Variants in SMOC1 observed in about 807,000 individuals in gnomAD.
SMOC1 encodes SPARC related modular calcium binding 1, also known as SPARC-related modular calcium-binding protein 1.
In SMOC1, 22 loss-of-function variants were observed where a neutral mutation model predicts 56.3. The observed-to-expected ratio is 0.39, with a 90% confidence interval of 0.28 to 0.56. SMOC1 has a LOEUF of 0.56. Ranked by LOEUF, SMOC1 falls within the 20% of genes least tolerant of loss-of-function variation. The probability of loss-of-function intolerance (pLI) is 0.61; values close to 1 mark genes in which losing one functional copy is unlikely to be tolerated. For synonymous variants in SMOC1, 193 were observed against 215.0 expected (o/e 0.90, Z 0.89); for missense variants, 509 against 565.4 (o/e 0.90, Z 1.01).
chr14:70,008,478 G>A (rs1885220488), intron 7 of SMOC1, among the ~76,000 whole-genome samples: 1 of 152,106 alleles, frequency 6.6e-6, no homozygotes, highest in Admixed American at 6.5e-5. Flanking sequence ...CATAGACACT[G>A]ACTATAAACA....
At chr14:69,963,238 G>A (rs1017492227) in intron 3 of SMOC1, among the ~76,000 whole-genome samples, 1 of 152,098 alleles carries the variant, frequency 6.6e-6, no homozygotes, top group Non-Finnish European at 1.5e-5. Context: ...ATCTAGTAGG[G>A]GGAATGCACA....
chr14:69,942,817 CTG>C (rs1277797260), intron 1 of SMOC1, among the ~76,000 whole-genome samples: 1 of 152,186 alleles, frequency 6.6e-6, no homozygotes, highest in Non-Finnish European at 1.5e-5. Context: ...CAGACAGACT[CTG>C]TGTGGATTGG....
At chr14:69,888,199 G>T (rs1249051928) in intron 1 of SMOC1, among the ~76,000 whole-genome samples, 1 of 152,172 alleles carries the variant, frequency 6.6e-6, no homozygotes, top group African/African-American at 2.4e-5. Flanking sequence ...TATGTGCTCT[G>T]CATGGGTCAT....
intron 3 of SMOC1, among the ~76,000 whole-genome samples, chr14:69,964,660 G>A (rs1168682646): frequency 6.6e-6 from 1 of 152,160 alleles, no homozygotes; most frequent in South Asian, 2.1e-4. Context: ...TAAAGGAACT[G>A]CTCTTCTTTT....
At chr14:70,008,705 G>A (rs1229916406) in intron 7 of SMOC1, among the ~76,000 whole-genome samples, 1 of 152,168 alleles carries the variant, frequency 6.6e-6, no homozygotes, top group Non-Finnish European at 1.5e-5. Flanking sequence ...TAGAAGGTTG[G>A]CCTGGAGAGT....
intron 1 of SMOC1, among the ~76,000 whole-genome samples, chr14:69,928,615 T>TGG (rs57670974): frequency 1.1e-3 from 162 of 148,390 alleles, no homozygotes; most frequent in Non-Finnish European, 1.4e-3. Flanking sequence ...AGGTGCTCAT[T>TGG]GGGGGGGGGG....
chr14:69,889,246 T>A (rs1883895077), intron 1 of SMOC1, among the ~76,000 whole-genome samples: 2 of 152,196 alleles, frequency 1.3e-5, no homozygotes, highest in Non-Finnish European at 2.9e-5. Flanking sequence ...GCTGAACCAC[T>A]GTACTTCCTG....
intron 1 of SMOC1, among the ~76,000 whole-genome samples, chr14:69,922,311 A>T (rs906402425): frequency 1.3e-5 from 2 of 152,328 alleles, no homozygotes; most frequent in East Asian, 3.9e-4. Context: ...TGATGTTGTT[A>T]TCTGCTTTTT....
At chr14:69,984,972 G>A (rs1884314767) in intron 5 of SMOC1, among the ~76,000 whole-genome samples, 1 of 151,938 alleles carries the variant, frequency 6.6e-6, no homozygotes, top group Non-Finnish European at 1.5e-5. Context: ...AACCCAGGAG[G>A]TGGAGGTTGC....
In SMOC1 at chr14:70,000,486, A is replaced by G. The variant is rs550035025; in HGVS notation, c.664+6006A>G. The stretch of plus-strand genomic sequence containing the variant: ...TTGCAAAGATACTGTGAAGTATTTC[A>G]TATTCTTTTTGGTGGAAGGGTCATA... On this transcript the variant is annotated intron_variant, in intron 7 of 11. Transcript: ENST00000361956. Among the ~76,000 whole-genome samples, 17 of 152,354 alleles carry G rather than the reference A, an allele frequency of 1.1e-4. 1 individual carries two copies. Among genetic ancestry groups the G allele is most frequent in the Non-Finnish European group, 1.6e-4 (11 of 68,036 alleles).
In SMOC1 at chr14:70,011,461, C is replaced by T. The variant is rs750414103; in HGVS notation, c.858-24C>T. ...GCTCAGTTGCCAGCCCCTCCCAACC[C>T]CCCCCATATCTCTCTTTTCCCAGCT... On this transcript the variant is annotated intron_variant, in intron 8 of 11. Coordinates refer to ENST00000361956, the MANE Select transcript of SMOC1 (RefSeq NM_001034852.3). 2.0e-5 allele frequency: 31 copies of T among 1,560,748 alleles called. 1 individual carries two copies. Among genetic ancestry groups the T allele is most frequent in the African/African-American group, 2.7e-5 (2 of 73,120 alleles).
At chr14:69,985,084 T>C (rs1594839017) in intron 5 of SMOC1, among the ~76,000 whole-genome samples, 1 of 147,986 alleles carries the variant, frequency 6.8e-6, no homozygotes, top group South Asian at 2.2e-4. Context: ...AATGCACAAA[T>C]AGACATTTCA....
At chr14:70,000,572 G>A (rs1427517438) in intron 7 of SMOC1, among the ~76,000 whole-genome samples, 1 of 152,232 alleles carries the variant, frequency 6.6e-6, no homozygotes, top group East Asian at 1.9e-4. Context: ...TTGAGCGGGT[G>A]CGAGTCAGTG....
intron 1 of SMOC1, among the ~76,000 whole-genome samples, chr14:69,887,155 C>T (rs185695616): frequency 1.2e-4 from 18 of 152,068 alleles, no homozygotes; most frequent in Non-Finnish European, 2.4e-4. Context: ...AACAAGTGAA[C>T]AACAGTGACA....
chr14:69,891,900 G>C (rs1236349637), intron 1 of SMOC1, among the ~76,000 whole-genome samples: 2 of 152,136 alleles, frequency 1.3e-5, no homozygotes, highest in Non-Finnish European at 2.9e-5. Flanking sequence ...AATTGAAATT[G>C]AACTGAGTAT....
intron 2 of SMOC1, among the ~76,000 whole-genome samples, chr14:69,952,798 A>G (rs151023275): frequency 1.3e-5 from 2 of 152,362 alleles, no homozygotes; most frequent in African/African-American, 4.8e-5. Context: ...CTACAAAGCA[A>G]CACATGGCTA....
chr14:70,008,422 A>G (rs1406190870), intron 7 of SMOC1, among the ~76,000 whole-genome samples: 1 of 152,238 alleles, frequency 6.6e-6, no homozygotes, highest in South Asian at 2.1e-4. Context: ...TATAGGCATG[A>G]GCCACTGAGC....
chr14:69,896,359 A>G (rs1884099170), intron 1 of SMOC1, among the ~76,000 whole-genome samples: 1 of 152,186 alleles, frequency 6.6e-6, no homozygotes, highest in Non-Finnish European at 1.5e-5. Flanking sequence ...TAGCTCTGCC[A>G]CTTTCTAGCT....
chr14:70,023,613 G>T (rs1034091883), intron 11 of SMOC1, among the ~76,000 whole-genome samples, 166 bp downstream of exon 11: 2 of 152,172 alleles, frequency 1.3e-5, no homozygotes, highest in Non-Finnish European at 2.9e-5. Context: ...TGGTGGAATT[G>T]ACTGATAAGG....
Sources: allele counts gnomAD v4.1 joint callset (sites outside exome capture counted in the v4.1 genomes callset), GRCh38; gene constraint gnomAD v4.1.1; transcripts MANE v1.5; gene names NCBI Gene and HGNC (gene_info 2026-07-23, HGNC 2026-07-21).